The following ARHGAP15 variants were observed in gnomAD, a reference collection of about 807,000 sequenced individuals.
The protein encoded by ARHGAP15 is rho GTPase-activating protein 15.
A neutral mutation model predicts 63.7 loss-of-function variants in ARHGAP15; 51 were observed. The ratio of observed to expected loss-of-function variants is 0.80; its 90% CI spans 0.64 to 1.01. The LOEUF (loss-of-function observed/expected upper bound fraction) is 1.01. Ranked by LOEUF, ARHGAP15 falls within the 50% of genes least tolerant of loss-of-function variation. The pLI is 0.00. For synonymous variants in ARHGAP15, 191 were observed against 193.8 expected (o/e 0.99, Z 0.12); for missense variants, 560 against 564.6 (o/e 0.99, Z 0.08).
Position 143,673,758 on chromosome 2 carries a change from G to GTATATATATATATA in ARHGAP15, c.1139-29648_1139-29635dup, listed in dbSNP as rs70982879. Among the ~76,000 whole-genome samples the GTATATATATATATA allele has an allele frequency of 5.3e-3, 118 of 22,104 alleles. 6 individuals carry two copies. The highest frequency in any genetic ancestry group is 9.9e-3 in the East Asian group (3 of 304). 14.5% of individuals were successfully genotyped at this position (22,104 alleles called of 152,430 possible). A position where few individuals can be genotyped will look rare whatever the true frequency, so the allele number is the denominator to read the frequency against. ...TGTGTGTGTGTGTGTGTGTGTGTGT[G>GTATATATATATATA]TATATATATATATATATATATATAT... On this transcript the variant is annotated intron_variant, in intron 12 of 13. Transcript: ENST00000295095.
chr2:143,697,022 G>A (rs1359260528), intron 12 of ARHGAP15, among the ~76,000 whole-genome samples: 1 of 152,060 alleles, frequency 6.6e-6, no homozygotes, highest in Non-Finnish European at 1.5e-5. Flanking sequence ...TGGGGAGAAG[G>A]GCACAGAACC....
At chr2:143,300,747 G>T (rs1157556079) in intron 6 of ARHGAP15, among the ~76,000 whole-genome samples, 1 of 151,970 alleles carries the variant, frequency 6.6e-6, no homozygotes, top group African/African-American at 2.4e-5. Flanking sequence ...CCAATGATTA[G>T]AACATAAACA....
chr2:143,226,305 A>G (rs1317945886), intron 4 of ARHGAP15, among the ~76,000 whole-genome samples: 2 of 152,226 alleles, frequency 1.3e-5, no homozygotes, highest in Non-Finnish European at 2.9e-5. Flanking sequence ...AACAGATCCA[A>G]ATCAGAGCCA....
intron 6 of ARHGAP15, among the ~76,000 whole-genome samples, chr2:143,308,949 A>G (rs1003909706): frequency 2.3e-4 from 35 of 150,912 alleles, no homozygotes; most frequent in African/African-American, 8.2e-4. Context: ...AAAAAAAAAA[A>G]AAAAAAAGGA....
chr2:143,615,468 G>C, intron 11 of ARHGAP15, among the ~76,000 whole-genome samples: 1 of 152,154 alleles, frequency 6.6e-6, no homozygotes, highest in South Asian at 2.1e-4. Context: ...ATTTGCCAAA[G>C]TCTGTCTACA....
chr2:143,146,819 T>C (rs185090198), intron 1 of ARHGAP15, among the ~76,000 whole-genome samples: 64 of 152,200 alleles, frequency 4.2e-4, no homozygotes, highest in African/African-American at 1.5e-3. Context: ...TTCAATCTAA[T>C]AAATTCAGAG....
chr2:143,485,179 C>T (rs1342677136), intron 8 of ARHGAP15, among the ~76,000 whole-genome samples: 1 of 152,120 alleles, frequency 6.6e-6, no homozygotes, highest in Admixed American at 6.5e-5. Context: ...CAACTATCAA[C>T]CCGTCATCTA....
intron 6 of ARHGAP15, among the ~76,000 whole-genome samples, chr2:143,309,974 T>A (rs531828540): frequency 6.6e-6 from 1 of 151,944 alleles, no homozygotes; most frequent in African/African-American, 2.4e-5. Context: ...GCGAGATCAA[T>A]TATTTTCAAT....
At chr2:143,283,750 A>G (rs890562031) in intron 6 of ARHGAP15, among the ~76,000 whole-genome samples, 1 of 152,160 alleles carries the variant, frequency 6.6e-6, no homozygotes, top group African/African-American at 2.4e-5. Flanking sequence ...AGTAGATTTC[A>G]TCACTCTTTC....
intron 6 of ARHGAP15, among the ~76,000 whole-genome samples, chr2:143,382,584 C>T (rs1425907064): frequency 6.6e-6 from 1 of 152,140 alleles, no homozygotes; most frequent in Non-Finnish European, 1.5e-5. Flanking sequence ...ACCCTGTATC[C>T]AAATCCGGTC....
chr2:143,643,260 C>A (rs1680695224), intron 12 of ARHGAP15, among the ~76,000 whole-genome samples: 1 of 151,936 alleles, frequency 6.6e-6, no homozygotes, highest in African/African-American at 2.4e-5. Context: ...GGCTATCGCC[C>A]AAATATAACC....
chr2:143,153,827 CTTCTTCTTCTTCT>C (rs1558779353), intron 1 of ARHGAP15, among the ~76,000 whole-genome samples: 168 of 90,324 alleles, frequency 1.9e-3, no homozygotes, highest in Middle Eastern at 4.5e-3. Flanking sequence ...TCTTCTTCTT[CTTCTTCTTCTTCT>C]TCTTCCTCCT....
At chr2:143,519,422 A>C (rs1437687245) in intron 10 of ARHGAP15, 58 bp downstream of exon 10, 9 of 1,409,870 alleles carry the variant, frequency 6.4e-6, no homozygotes, top group Non-Finnish European at 9.0e-6. Flanking sequence ...CACAACCAAT[A>C]CTCAAGTTAG....
intron 2 of ARHGAP15, among the ~76,000 whole-genome samples, chr2:143,162,870 A>T (rs981461511): frequency 6.6e-6 from 1 of 152,056 alleles, no homozygotes; most frequent in African/African-American, 2.4e-5. Flanking sequence ...GTTAACACCC[A>T]AAAATTAAAA....
chr2:143,235,280 G>A (rs115995548), intron 5 of ARHGAP15, among the ~76,000 whole-genome samples: 4 of 149,708 alleles, frequency 2.7e-5, no homozygotes, highest in African/African-American at 7.4e-5. Flanking sequence ...TGAAGAAGGC[G>A]AGCTCACATC....
chr2:143,652,529 T>C (rs1403492419), intron 12 of ARHGAP15, among the ~76,000 whole-genome samples: 4 of 152,246 alleles, frequency 2.6e-5, no homozygotes, highest in Admixed American at 1.3e-4. Flanking sequence ...TTGGGAGGAA[T>C]TGACATTTTC....
At chr2:143,141,549 G>A (rs115901686) in intron 1 of ARHGAP15, among the ~76,000 whole-genome samples, 4,142 of 152,228 alleles carry the variant, frequency 0.027, 89 homozygotes, top group Non-Finnish European at 0.043. Context: ...AGAGGAGGCA[G>A]AGAAAAGAGA....
At chr2:143,508,489 T>C (rs915027609) in intron 9 of ARHGAP15, among the ~76,000 whole-genome samples, 2 of 152,244 alleles carry the variant, frequency 1.3e-5, no homozygotes, top group African/African-American at 4.8e-5. Context: ...TTTTCACTAC[T>C]CCATCCCCAG....
At chr2:143,766,858 G>C (rs13394426) in intron 13 of ARHGAP15, 12 of 152,096 alleles carry the variant, frequency 7.9e-5, no homozygotes, top group African/African-American at 2.9e-4. Context: ...AGATAAGCAG[G>C]GACTACTATA....
Sources: gnomAD v4.1 joint callset for allele counts (sites outside exome capture counted in the v4.1 genomes callset) on GRCh38, gnomAD v4.1.1 for gene constraint, MANE v1.5 for transcripts, NCBI Gene and HGNC (gene_info 2026-07-23, HGNC 2026-07-21) for gene names.